Variants in DCC observed in about 807,000 individuals in gnomAD.
DCC encodes the protein DCC netrin 1 receptor, also known as netrin receptor DCC.
A neutral mutation model predicts 172.5 loss-of-function variants in DCC; 58 were observed. That is an observed-to-expected ratio of 0.34 (90% CI 0.27 to 0.42). The LOEUF (loss-of-function observed/expected upper bound fraction) is 0.42, where lower values mean the gene tolerates loss of function less well. Among genes scored for constraint, DCC ranks in the 10% least tolerant of loss-of-function variants. The pLI is 1.00. For synonymous variants in DCC, 709 were observed against 644.5 expected (o/e 1.10, Z -1.52); for missense variants, 1,740 against 1,791.0 (o/e 0.97, Z 0.51).
chr18:53,239,883 A>T (rs1166676274), intron 12 of DCC, among the ~76,000 whole-genome samples: 1 of 152,118 alleles, frequency 6.6e-6, no homozygotes, highest in Non-Finnish European at 1.5e-5. Context: ...TAAAAGTGCT[A>T]CATAAGTAGA....
In DCC at chr18:53,179,084, C is replaced by G; in HGVS notation, c.1541C>G (p.Ser514Cys). The change falls in exon 9 of 29, where the codon TCT becomes TGT. Residue 514 changes from serine (S) to cysteine (C), a missense_variant. Physicochemically the swap from Ser to Cys is moderately radical, Grantham distance 112. Around this residue, in one of 2 missense-constraint regions of DCC, gnomAD observed 1,732 missense variants for 1,767.4 expected, o/e 0.98. Transcript: ENST00000442544. ...AATGAATGGGGACCGGGAGAGAGTTCTCAACCCATCAAGGTGGCCACACAG... is the reference window on the plus strand; with the variant it reads ...AATGAATGGGGACCGGGAGAGAGTTGTCAACCCATCAAGGTGGCCACACAG... The part of the protein sequence containing the change: ...AYNEWGPGES[S>C]QPIKVATQPE... The G allele has an allele frequency of 6.2e-7, 1 of 1,613,902 alleles. No homozygotes were observed. Among genetic ancestry groups the G allele is most frequent in the Non-Finnish European group, 8.5e-7 (1 of 1,179,900 alleles).
chr18:52,964,249 C>T (rs1193235664), intron 5 of DCC, among the ~76,000 whole-genome samples: 1 of 152,044 alleles, frequency 6.6e-6, no homozygotes, highest in Non-Finnish European at 1.5e-5. Context: ...GAAAAATGCT[C>T]ATTCCAAAAA....
chr18:53,303,380 T>C (rs1023179296), intron 12 of DCC, among the ~76,000 whole-genome samples: 2 of 152,250 alleles, frequency 1.3e-5, no homozygotes, highest in African/African-American at 4.8e-5. Flanking sequence ...TTTGCATTAC[T>C]GATGTTTCCT....
intron 1 of DCC, among the ~76,000 whole-genome samples, chr18:52,461,593 G>A (rs889409080): frequency 6.6e-6 from 1 of 152,158 alleles, no homozygotes; most frequent in African/African-American, 2.4e-5. Context: ...ATTGTGCTAT[G>A]ATGTTATGAC....
chr18:52,948,977 C>T (rs1413407018), intron 5 of DCC, among the ~76,000 whole-genome samples: 1 of 152,202 alleles, frequency 6.6e-6, no homozygotes, highest in Non-Finnish European at 1.5e-5. Context: ...TTATGCAAAG[C>T]TGTCTCCAGT....
intron 12 of DCC, among the ~76,000 whole-genome samples, chr18:53,248,930 AT>A (rs2056397064): frequency 6.6e-6 from 1 of 152,052 alleles, no homozygotes; most frequent in Non-Finnish European, 1.5e-5. Flanking sequence ...TTTGTTTGGC[AT>A]TTAAGAACAA....
chr18:52,592,889 C>T (rs1248992509), intron 1 of DCC, among the ~76,000 whole-genome samples: 1 of 152,126 alleles, frequency 6.6e-6, no homozygotes, highest in Non-Finnish European at 1.5e-5. Flanking sequence ...AAGTGATCCT[C>T]CCAACTTGGC....
chr18:52,516,877 C>A (rs2031660161), intron 1 of DCC, among the ~76,000 whole-genome samples: 1 of 152,132 alleles, frequency 6.6e-6, no homozygotes, highest in African/African-American at 2.4e-5. Flanking sequence ...TTGCTTAGAC[C>A]TGCATATTAC....
intron 15 of DCC, among the ~76,000 whole-genome samples, chr18:53,354,606 G>T (rs1199301415): frequency 6.6e-6 from 1 of 151,892 alleles, no homozygotes; most frequent in African/African-American, 2.4e-5. Flanking sequence ...TTTTTGATGG[G>T]CTTCTTTGTT....
intron 1 of DCC, among the ~76,000 whole-genome samples, chr18:52,561,307 G>A (rs1314599977): frequency 6.6e-6 from 1 of 150,750 alleles, no homozygotes; most frequent in Non-Finnish European, 1.5e-5. Flanking sequence ...TGTGTATATA[G>A]GCAGAGATCA....
At chr18:52,848,526 T>C (rs1035661779) in intron 2 of DCC, among the ~76,000 whole-genome samples, 1 of 152,244 alleles carries the variant, frequency 6.6e-6, no homozygotes, top group Admixed American at 6.5e-5. Flanking sequence ...TTTCGTATTT[T>C]TTTCCCATAG....
intron 12 of DCC, among the ~76,000 whole-genome samples, chr18:53,247,740 T>C (rs7230034): frequency 0.83 from 125,950 of 151,864 alleles, 52,605 homozygotes; most frequent in Admixed American, 0.89. Flanking sequence ...AGTGTGGGCT[T>C]TTGAGACCAC....
intron 1 of DCC, among the ~76,000 whole-genome samples, chr18:52,614,281 G>A (rs1023392556): frequency 1.3e-5 from 2 of 152,184 alleles, no homozygotes; most frequent in South Asian, 4.2e-4. Context: ...CTCTTTGAAG[G>A]TGACCTTATC....
At chr18:52,830,793 T>G (rs1159615973) in intron 2 of DCC, among the ~76,000 whole-genome samples, 3 of 152,170 alleles carry the variant, frequency 2.0e-5, no homozygotes, top group Non-Finnish European at 4.4e-5. Context: ...TTCCATTAAA[T>G]GTAGGTTTAT....
At chr18:53,173,268 G>C (rs1226350443) in intron 8 of DCC, among the ~76,000 whole-genome samples, 7 of 152,056 alleles carry the variant, frequency 4.6e-5, no homozygotes, top group Non-Finnish European at 8.8e-5. Flanking sequence ...TACTCTCCTA[G>C]AAGTCGGAAT....
chr18:53,391,301 A>G (rs998197438), intron 16 of DCC, among the ~76,000 whole-genome samples: 2 of 152,206 alleles, frequency 1.3e-5, no homozygotes, highest in Non-Finnish European at 2.9e-5. Context: ...TAAATTATAT[A>G]GTAATAAAAC....
intron 1 of DCC, among the ~76,000 whole-genome samples, chr18:52,374,222 A>G (rs1423688615): frequency 6.6e-6 from 1 of 152,094 alleles, no homozygotes; most frequent in African/African-American, 2.4e-5. Flanking sequence ...ATCCTTTACA[A>G]ACTTGCAGAG....
intron 1 of DCC, among the ~76,000 whole-genome samples, chr18:52,734,352 G>A (rs1282595287): frequency 6.6e-6 from 1 of 152,040 alleles, no homozygotes; most frequent in Non-Finnish European, 1.5e-5. Flanking sequence ...AAAGCAAAAT[G>A]CACAATGTCA....
chr18:52,638,331 A>G (rs1313873445), intron 1 of DCC, among the ~76,000 whole-genome samples: 2 of 152,192 alleles, frequency 1.3e-5, no homozygotes, highest in Non-Finnish European at 2.9e-5. Context: ...ATGCAATGGT[A>G]CCTCACATTT....
Sources: allele counts gnomAD v4.1 joint callset (sites outside exome capture counted in the v4.1 genomes callset), GRCh38; gene constraint gnomAD v4.1.1; regional missense constraint gnomAD v4.1.1; transcripts MANE v1.5; gene names NCBI Gene and HGNC (gene_info 2026-07-23, HGNC 2026-07-21).